SPATS2L: variants seen among roughly 807,000 people sequenced by gnomAD.
SPATS2L encodes spermatogenesis associated serine rich 2 like, also known as SPATS2-like protein.
Under a neutral mutation model 59.6 loss-of-function variants are expected in SPATS2L, and 30 were observed. That is an observed-to-expected ratio of 0.50 (90% confidence interval 0.38 to 0.68). The LOEUF (loss-of-function observed/expected upper bound fraction) is 0.68, where lower values mean the gene tolerates loss of function less well. SPATS2L is among the 30% of genes least tolerant of loss of function. SPATS2L has a pLI of 0.00. For missense variants in SPATS2L, 615 were observed against 700.0 expected, an observed-to-expected ratio of 0.88 and a Z score of 1.37; for synonymous variants, 252 against 263.5, an observed-to-expected ratio of 0.96 and a Z score of 0.42.
intron 6 of SPATS2L, among the ~76,000 whole-genome samples, chr2:200,420,116 A>G (rs181493923): frequency 1.2e-4 from 18 of 152,256 alleles, no homozygotes; most frequent in African/African-American, 3.6e-4. Context: ...TGCTATAGCT[A>G]TATATTTATT....
At chr2:200,339,705 T>C (rs2080258809) in intron 2 of SPATS2L, among the ~76,000 whole-genome samples, 1 of 152,206 alleles carries the variant, frequency 6.6e-6, no homozygotes, top group African/African-American at 2.4e-5. Flanking sequence ...TTAGAAATAA[T>C]ACAAGGAACA....
chr2:200,310,282 C>T (rs570697879), intron 1 of SPATS2L, among the ~76,000 whole-genome samples: 4 of 152,152 alleles, frequency 2.6e-5, no homozygotes, highest in Non-Finnish European at 1.5e-5. Flanking sequence ...TCTTCATCAC[C>T]CAGACTGGAG....
intron 8 of SPATS2L, among the ~76,000 whole-genome samples, chr2:200,452,333 G>A (rs1416554465): frequency 6.6e-6 from 1 of 152,126 alleles, no homozygotes; most frequent in African/African-American, 2.4e-5. Context: ...CATACTATGG[G>A]ATTATGCTAT....
At chr2:200,461,089 G>C (rs1227556862) in intron 9 of SPATS2L, 1 of 152,128 alleles carries the variant, frequency 6.6e-6, no homozygotes, top group Non-Finnish European at 1.5e-5. Flanking sequence ...TGGGATTATA[G>C]GCTTGAGCCA....
At position 200,378,322 on chromosome 2, in the gene SPATS2L, T is replaced by A. The variant is rs1056383158; in HGVS notation, c.-22-10901T>A. 4 of 1,002,422 alleles carry A rather than the reference T, an allele frequency of 4.0e-6. No homozygotes were observed. The African/African-American group carries it at 5.2e-5, about 13-fold the overall frequency. The allele number at this position is 1,002,422 out of a possible 1,614,324, so 62.1% of individuals were successfully genotyped here. A position where few individuals can be genotyped will look rare whatever the true frequency, so the allele number is the denominator to read the frequency against. The stretch of plus-strand genomic sequence containing the variant: ...TGTGCCTCCTGAGAAAGCCAGTCGC[T>A]GGAAACTGGACTGAGAGCCCTGATT... On this transcript the variant is annotated intron_variant, in intron 2 of 12. Transcript: ENST00000409140.
chr2:200,325,944 C>T (rs1194931132), intron 1 of SPATS2L, among the ~76,000 whole-genome samples: 1 of 152,198 alleles, frequency 6.6e-6, no homozygotes, highest in Non-Finnish European at 1.5e-5. Context: ...TTATTGGGCT[C>T]CTACTCTGTG....
At chr2:200,425,500 G>C (rs1438557630) in intron 6 of SPATS2L, among the ~76,000 whole-genome samples, 2 of 152,118 alleles carry the variant, frequency 1.3e-5, no homozygotes, top group African/African-American at 4.8e-5. Flanking sequence ...TCACTTATGA[G>C]GTGTGTGACC....
chr2:200,363,737 A>C (rs540327901), intron 2 of SPATS2L, among the ~76,000 whole-genome samples: 1 of 152,338 alleles, frequency 6.6e-6, no homozygotes, highest in South Asian at 2.1e-4. Context: ...GAGATGACAT[A>C]ATAATGAAAA....
chr2:200,470,612 G>A (rs1177676647), intron 11 of SPATS2L, among the ~76,000 whole-genome samples: 1 of 152,202 alleles, frequency 6.6e-6, no homozygotes, highest in Non-Finnish European at 1.5e-5. Flanking sequence ...ACAAGGGGAG[G>A]TGGGAATGAG....
intron 2 of SPATS2L, among the ~76,000 whole-genome samples, chr2:200,340,253 C>CTT (rs1347592397): frequency 5.3e-5 from 8 of 152,158 alleles, no homozygotes; most frequent in Admixed American, 1.3e-4. Context: ...TTTACTCTTG[C>CTT]TGCTTTGATG....
intron 2 of SPATS2L, among the ~76,000 whole-genome samples, chr2:200,374,715 G>C (rs527595307): frequency 6.6e-6 from 1 of 152,090 alleles, no homozygotes; most frequent in Non-Finnish European, 1.5e-5. Context: ...TCTACGAATC[G>C]GCCAAGAATG....
In SPATS2L at chr2:200,388,486, C is replaced by T. The variant is rs186499714; in HGVS notation, c.-22-737C>T. On this transcript the variant is annotated intron_variant, in intron 2 of 12. Transcript: ENST00000409140. ...ACTTGGGAGGCTGAGGTGGCAGGAT[C>T]GCTTGAGTTGAGGAGATGGAGGCTG... Among the ~76,000 whole-genome samples the T allele has an allele frequency of 4.1e-3, 625 of 151,964 alleles. 4 individuals are homozygous for T. Among genetic ancestry groups the T allele is most frequent in the African/African-American group, 0.015 (601 of 41,436 alleles).
chr2:200,468,574 A>AG (rs2086794933), intron 10 of SPATS2L, among the ~76,000 whole-genome samples: 2 of 152,162 alleles, frequency 1.3e-5, no homozygotes, highest in South Asian at 4.1e-4. Flanking sequence ...ACCTCACCTG[A>AG]GGGTGCTGAG....
At chr2:200,326,159 G>A (rs2079732996) in intron 1 of SPATS2L, among the ~76,000 whole-genome samples, 1 of 152,078 alleles carries the variant, frequency 6.6e-6, no homozygotes. Flanking sequence ...TGGGGTCTTG[G>A]GCTCTTCACA....
intron 2 of SPATS2L, among the ~76,000 whole-genome samples, chr2:200,382,292 C>T (rs1327192291): frequency 6.6e-6 from 1 of 152,154 alleles, no homozygotes; most frequent in Admixed American, 6.5e-5. Context: ...TCAGGCTGGT[C>T]TCGAACTCCT....
chr2:200,405,381 CA>C (rs5837736), intron 3 of SPATS2L, among the ~76,000 whole-genome samples: 71 of 145,830 alleles, frequency 4.9e-4, no homozygotes, highest in African/African-American at 6.5e-4. Flanking sequence ...GGTTTCCTGC[CA>C]AAAAAAAAAA....
At chr2:200,332,436 G>A (rs1027247360) in intron 2 of SPATS2L, among the ~76,000 whole-genome samples, 9 of 151,994 alleles carry the variant, frequency 5.9e-5, no homozygotes, top group Non-Finnish European at 8.8e-5. Context: ...ATAGAGATAG[G>A]GGGTCTCACT....
chr2:200,306,905 C>A lies in SPATS2L; in HGVS notation c.-90C>A. ...CCGGCTCCGGCCCGGGACGGAGGAGCCGGCGCTCGACACAGAGGTAAGCCC... is the reference window on the plus strand; with the variant it reads ...CCGGCTCCGGCCCGGGACGGAGGAGACGGCGCTCGACACAGAGGTAAGCCC... On this transcript the variant is annotated 5_prime_UTR_variant, in exon 1 of 13. Transcript: ENST00000409140. 1.0e-6 allele frequency: 1 copy of A among 981,262 alleles called. No individual in the cohort carries two copies. The highest frequency in any genetic ancestry group is 1.2e-6 in the Non-Finnish European group (1 of 828,262). 60.8% of individuals were successfully genotyped at this position (981,262 alleles called of 1,614,324 possible).
chr2:200,429,799 C>T lies in SPATS2L; in HGVS notation c.446-9323C>T, dbSNP rs1330097127. On this transcript the variant is annotated intron_variant, in intron 6 of 12. Transcript: ENST00000409140. ...GAGAATTGCTTACAGGGTCCAGCTCCAGTATCACAAAGTAGGGCAAGAAGA... is the reference window on the plus strand; with the variant it reads ...GAGAATTGCTTACAGGGTCCAGCTCTAGTATCACAAAGTAGGGCAAGAAGA... Among the ~76,000 whole-genome samples the T allele has an allele frequency of 2.0e-5, 3 of 152,256 alleles. No homozygotes were observed. In the South Asian group the frequency reaches 6.2e-4, roughly 32 times the overall value.
Sources: gnomAD v4.1 joint callset for allele counts (sites outside exome capture counted in the v4.1 genomes callset) on GRCh38, gnomAD v4.1.1 for gene constraint, MANE v1.5 for transcripts, NCBI Gene and HGNC (gene_info 2026-07-23, HGNC 2026-07-21) for gene names.